The following LRCH1 variants were observed in gnomAD, a reference collection of about 807,000 sequenced individuals.
LRCH1 encodes leucine-rich repeat and calponin homology domain-containing protein 1.
A neutral mutation model predicts 94.9 loss-of-function variants in LRCH1; 23 were observed. The observed-to-expected ratio is 0.24, with a 90% CI of 0.17 to 0.34. The LOEUF is 0.34. Among genes scored for constraint, LRCH1 ranks in the 10% least tolerant of loss-of-function variants. The pLI, the probability that LRCH1 is intolerant of heterozygous loss-of-function variation, is 1.00. For synonymous variants in LRCH1, 364 were observed against 354.9 expected, an observed-to-expected ratio of 1.03 and a Z score of -0.29; for missense variants, 790 against 945.9, an observed-to-expected ratio of 0.84 and a Z score of 2.16.
At chr13:46,639,257 T>C (rs2051130399) in intron 1 of LRCH1, among the ~76,000 whole-genome samples, 3 of 152,194 alleles carry the variant, frequency 2.0e-5, no homozygotes, top group African/African-American at 7.2e-5. Flanking sequence ...TCTGTCTCCC[T>C]GTAGAGAGAA....
At chr13:46,664,043 G>A (rs995131810) in intron 2 of LRCH1, among the ~76,000 whole-genome samples, 5 of 152,300 alleles carry the variant, frequency 3.3e-5, no homozygotes, top group Middle Eastern at 3.4e-3. Flanking sequence ...ATTATATGTT[G>A]TAGTCTTGGT....
At chr13:46,677,491 G>T (rs1052810821) in intron 3 of LRCH1, among the ~76,000 whole-genome samples, 1 of 152,110 alleles carries the variant, frequency 6.6e-6, no homozygotes, top group Non-Finnish European at 1.5e-5. Context: ...CTGAAAGTGA[G>T]TATAACCTAG....
chr13:46,726,259 G>A (rs918860554), intron 17 of LRCH1, among the ~76,000 whole-genome samples: 1 of 152,152 alleles, frequency 6.6e-6, no homozygotes, highest in Non-Finnish European at 1.5e-5. Flanking sequence ...TAAAACAAAT[G>A]TAAGAACATT....
intron 11 of LRCH1, 124 bp from the exon 12 acceptor site, chr13:46,704,944 C>T (rs1408610716): frequency 5.4e-6 from 3 of 551,362 alleles, no homozygotes; most frequent in South Asian, 3.3e-5. Flanking sequence ...CTTTTCCTCA[C>T]TTAATCCTAA....
At chr13:46,597,768 T>C (rs927976288) in intron 1 of LRCH1, among the ~76,000 whole-genome samples, 4 of 152,038 alleles carry the variant, frequency 2.6e-5, no homozygotes, top group Admixed American at 6.6e-5. Context: ...GCTGTGAGTT[T>C]AGTGTCAATG....
At chr13:46,626,210 G>A (rs2050947424) in intron 1 of LRCH1, among the ~76,000 whole-genome samples, 1 of 152,134 alleles carries the variant, frequency 6.6e-6, no homozygotes, top group South Asian at 2.1e-4. Flanking sequence ...GTGTGCAAAG[G>A]TGGGTGGTAA....
At chr13:46,604,704 G>A (rs1386272313) in intron 1 of LRCH1, among the ~76,000 whole-genome samples, 1 of 152,156 alleles carries the variant, frequency 6.6e-6, no homozygotes, top group African/African-American at 2.4e-5. Context: ...CCAGAAAAAT[G>A]TGACAGGTAT....
At chr13:46,617,749 ACT>A in intron 1 of LRCH1, among the ~76,000 whole-genome samples, 1 of 152,108 alleles carries the variant, frequency 6.6e-6, no homozygotes, top group East Asian at 1.9e-4. Flanking sequence ...GAATGAGAAA[ACT>A]CTTCTCAGAA....
Position 46,553,512 on chromosome 13 carries a change from C to G in LRCH1, c.116C>G (p.Thr39Ser). 6.5e-7 allele frequency: 1 copy of G among 1,546,578 alleles called. No individual in the cohort carries two copies. Among genetic ancestry groups the G allele is most frequent in the Non-Finnish European group, 8.7e-7 (1 of 1,144,972 alleles). The change falls in exon 1 of 20, where the codon ACC (threonine) becomes AGC (serine). Residue 39 changes from threonine (T) to serine (S), a missense_variant. Transcript: ENST00000389797. ...HHHHHQHHGG[T>S]GAPGGAGGGG... ...CACCACCATCAGCACCACGGAGGAACCGGCGCCCCCGGCGGGGCGGGTGGT... is the reference window on the plus strand; with the variant it reads ...CACCACCATCAGCACCACGGAGGAAGCGGCGCCCCCGGCGGGGCGGGTGGT...
intron 1 of LRCH1, among the ~76,000 whole-genome samples, chr13:46,605,428 A>T (rs2137991022): frequency 6.6e-6 from 1 of 152,330 alleles, no homozygotes; most frequent in South Asian, 2.1e-4. Flanking sequence ...GGCCTGCCAG[A>T]GCAGAGGTAC....
intron 17 of LRCH1, 45 bp from the exon 18 acceptor site, chr13:46,728,802 C>G (rs752654303): frequency 2.7e-5 from 42 of 1,549,112 alleles, no homozygotes; most frequent in Admixed American, 1.6e-4. Flanking sequence ...CTCACAGTTA[C>G]CTCAGTGTTC....
chr13:46,556,930 G>C (rs1345531918), intron 1 of LRCH1, among the ~76,000 whole-genome samples: 1 of 152,176 alleles, frequency 6.6e-6, no homozygotes, highest in African/African-American at 2.4e-5. Flanking sequence ...CCTTCTTGTG[G>C]AGTTCATTCT....
chr13:46,636,789 C>T (rs796931284), intron 1 of LRCH1, among the ~76,000 whole-genome samples: 2 of 152,314 alleles, frequency 1.3e-5, no homozygotes, highest in African/African-American at 4.8e-5. Context: ...ACCTTGCTGG[C>T]CTGTGTTTTC....
intron 1 of LRCH1, among the ~76,000 whole-genome samples, chr13:46,592,921 G>A (rs532338623): frequency 6.6e-6 from 1 of 152,078 alleles, no homozygotes; most frequent in South Asian, 2.1e-4. Flanking sequence ...AGTTTGTGAG[G>A]TTTCTCTACC....
chr13:46,689,194 G>A lies in LRCH1; in HGVS notation c.1012G>A (p.Glu338Lys). ...TGGAGATAAGCGATTATCTGCCACC[G>A]AGGTAAAGTTAGTGATCAGATTCTT... The part of the protein sequence containing the change: ...DNGDKRLSAT[E>K]PSDEDTVSLN... Residue 338 changes from glutamate to lysine, a missense_variant and splice_region_variant, in exon 7 of 20, where the codon GAG becomes AAG. Glu to Lys is a moderately conservative substitution (Grantham distance 56). This residue lies in a region of LRCH1 where 194 missense variants were observed against 293.5 expected (regional missense o/e 0.66). Coordinates refer to ENST00000389797, the MANE Select transcript of LRCH1 (RefSeq NM_001164211.2). 6.2e-7 allele frequency: 1 copy of A among 1,610,530 alleles called. No individual in the cohort carries two copies. The highest frequency in any genetic ancestry group is 8.5e-7 in the Non-Finnish European group (1 of 1,177,868).
intron 1 of LRCH1, among the ~76,000 whole-genome samples, chr13:46,557,902 C>T (rs527801893): frequency 6.6e-6 from 1 of 152,108 alleles, no homozygotes; most frequent in South Asian, 2.1e-4. Flanking sequence ...AAAAATTAGG[C>T]GGGTGTGGTG....
At chr13:46,567,340 C>T (rs2050195026) in intron 1 of LRCH1, among the ~76,000 whole-genome samples, 1 of 152,078 alleles carries the variant, frequency 6.6e-6, no homozygotes, top group East Asian at 1.9e-4. Context: ...TAGGGCAGCA[C>T]AAGATTATGG....
intron 1 of LRCH1, among the ~76,000 whole-genome samples, chr13:46,576,530 A>T (rs763740325): frequency 6.6e-6 from 1 of 152,200 alleles, no homozygotes; most frequent in Non-Finnish European, 1.5e-5. Context: ...ACATGTTCAC[A>T]TTGCTATCGT....
intron 1 of LRCH1, among the ~76,000 whole-genome samples, chr13:46,618,185 C>T (rs192478397): frequency 1.2e-4 from 19 of 152,256 alleles, no homozygotes; most frequent in East Asian, 1.9e-4. Context: ...TCTACAAACC[C>T]GCATGGCATG....
Sources: gnomAD v4.1 joint callset for allele counts (sites outside exome capture counted in the v4.1 genomes callset) on GRCh38, gnomAD v4.1.1 for gene constraint, gnomAD v4.1.1 regional missense constraint, MANE v1.5 for transcripts, NCBI Gene and HGNC (gene_info 2026-07-23, HGNC 2026-07-21) for gene names.